SCN11A: variants seen among roughly 807,000 people sequenced by gnomAD.
SCN11A encodes sodium voltage-gated channel alpha subunit 11.
A neutral mutation model predicts 162.2 loss-of-function variants in SCN11A; 122 were observed. The ratio of observed to expected loss-of-function variants is 0.75; its 90% CI spans 0.65 to 0.87. The LOEUF (loss-of-function observed/expected upper bound fraction) is 0.87. SCN11A is among the 40% of genes least tolerant of loss of function. The pLI is 0.00. For missense variants in SCN11A, 2,015 were observed against 2,181.6 expected (o/e 0.92, Z 1.52); for synonymous variants, 758 against 751.5 (o/e 1.01, Z -0.14).
intron 2 of SCN11A, among the ~76,000 whole-genome samples, chr3:38,991,846 TC>T (rs1479340181): frequency 6.6e-6 from 1 of 152,194 alleles, no homozygotes; most frequent in Non-Finnish European, 1.5e-5. Context: ...TCTCACTCTA[TC>T]CCCCAGGCTG....
At chr3:38,928,430 T>TA (rs1405710001) in intron 7 of SCN11A, among the ~76,000 whole-genome samples, 1 of 152,094 alleles carries the variant, frequency 6.6e-6, no homozygotes, top group African/African-American at 2.4e-5. Flanking sequence ...ATGTGGGGCT[T>TA]AAAACCTAGA....
chr3:38,850,341 T>C, intron 29 of SCN11A, 140 bp downstream of exon 29: 1 of 717,780 alleles, frequency 1.4e-6, no homozygotes, highest in South Asian at 1.8e-5. Context: ...ATGGCATTAG[T>C]ACCCCTGTCT....
intron 28 of SCN11A, among the ~76,000 whole-genome samples, chr3:38,857,496 T>G (rs529514032): frequency 1.3e-5 from 2 of 151,576 alleles, no homozygotes; most frequent in Non-Finnish European, 2.9e-5. Flanking sequence ...TCCAAGAAAT[T>G]TGGGATTATG....
Position 38,908,141 on chromosome 3 carries a change from C to T in SCN11A, c.1300-19G>A. ...CCAGAGCCTTCAAATTGAACAAAAGCAATTAAAGAACAGATTACACCTCCT... is the reference window on the plus strand; with the variant it reads ...CCAGAGCCTTCAAATTGAACAAAAGTAATTAAAGAACAGATTACACCTCCT... On this transcript the variant is annotated intron_variant, in intron 13 of 29. Coordinates refer to ENST00000302328, the MANE Select transcript of SCN11A (RefSeq NM_001349253.2). The T allele has an allele frequency of 6.2e-7, 1 of 1,604,338 alleles. No homozygotes were observed. The highest frequency in any genetic ancestry group is 8.5e-7 in the Non-Finnish European group (1 of 1,177,568).
At chr3:38,911,360 C>T (rs924824769) in intron 11 of SCN11A, among the ~76,000 whole-genome samples, 23 of 152,152 alleles carry the variant, frequency 1.5e-4, no homozygotes, top group African/African-American at 5.1e-4. Flanking sequence ...AGTTATTATC[C>T]TGTGTTGCTA....
intron 2 of SCN11A, among the ~76,000 whole-genome samples, chr3:39,029,193 C>G: frequency 6.6e-6 from 1 of 152,144 alleles, no homozygotes; most frequent in South Asian, 2.1e-4. Flanking sequence ...CCAATTTACC[C>G]TCCCAATCTA....
At position 38,938,240 on chromosome 3, in the gene SCN11A, G is replaced by A. The variant is rs573825477; in HGVS notation, c.488+7171C>T. The stretch of plus-strand genomic sequence containing the variant: ...CTCTGGGGACTGTTGTGGGGTGGGC[G>A]GAGTGGGGAGGGATAGCTTTAGGAG... On this transcript the variant is annotated intron_variant, in intron 7 of 29. Transcript: ENST00000302328. Among the ~76,000 whole-genome samples the A allele has an allele frequency of 7.9e-5, 12 of 151,920 alleles. No homozygotes were observed. The South Asian group carries it at 2.1e-3, about 26-fold the overall frequency.
At position 38,897,638 on chromosome 3, in the gene SCN11A, C is replaced by T. The variant is rs1319202997; in HGVS notation, c.2023-413G>A. ...GGCTGAGGCAGGGGAATCGCTTGAA[C>T]CTGTGAGTCAGAGGTTGCAGTGAGC... is the stretch of plus-strand genomic sequence containing the variant. On this transcript the variant is annotated intron_variant, in intron 17 of 29. Coordinates refer to ENST00000302328, the MANE Select transcript of SCN11A (RefSeq NM_001349253.2). Among the ~76,000 whole-genome samples the T allele has an allele frequency of 2.0e-5, 3 of 151,030 alleles. No individual in the cohort carries two copies. The East Asian group carries it at 5.9e-4, about 30-fold the overall frequency.
rs756278178 is a variant in SCN11A at position 38,867,330 on chromosome 3, C to G, written c.3942G>C (p.Gln1314His). The G allele has an allele frequency of 6.2e-7, 1 of 1,611,730 alleles. No homozygotes were observed. The highest frequency in any genetic ancestry group is 1.3e-5 in the African/African-American group (1 of 74,756). The change falls in exon 27 of 30, where the codon CAG becomes CAC. Residue 1314 changes from glutamine to histidine, a missense_variant. Transcript: ENST00000302328. ...CAACCCAGATACTTATCTTTTTCTGCTGTTGGTTGAAGTTGTCAATGATAA... is the reference window on the plus strand; with the variant it reads ...CAACCCAGATACTTATCTTTTTCTGGTGTTGGTTGAAGTTGTCAATGATAA... ...IGVIIDNFNQ[Q>H]QKKLGGQDIF...
At chr3:38,993,286 A>G (rs2030510161) in intron 2 of SCN11A, among the ~76,000 whole-genome samples, 1 of 152,068 alleles carries the variant, frequency 6.6e-6, no homozygotes, top group African/African-American at 2.4e-5. Context: ...TTCATTGGAG[A>G]ATCCAGGATG....
At chr3:38,937,598 T>G (rs531256388) in intron 7 of SCN11A, among the ~76,000 whole-genome samples, 1 of 151,186 alleles carries the variant, frequency 6.6e-6, no homozygotes, top group African/African-American at 2.4e-5. Context: ...AAGACATTTA[T>G]GCAGCCAAAA....
chr3:38,933,038 T>C (rs568956416), intron 7 of SCN11A, among the ~76,000 whole-genome samples: 69 of 152,214 alleles, frequency 4.5e-4, no homozygotes, highest in African/African-American at 1.7e-3. Context: ...TCCAGAGAAA[T>C]GATCAGACAG....
chr3:38,885,009 G>A (rs1451764390), intron 21 of SCN11A, among the ~76,000 whole-genome samples: 1 of 152,156 alleles, frequency 6.6e-6, no homozygotes, highest in Admixed American at 6.5e-5. Context: ...ATAGAAAGTG[G>A]CAGACATATT....
At chr3:38,909,677 G>A (rs1005559389) in intron 12 of SCN11A, among the ~76,000 whole-genome samples, 14 of 150,522 alleles carry the variant, frequency 9.3e-5, no homozygotes, top group African/African-American at 3.4e-4. Flanking sequence ...CCGCCTCCTA[G>A]GTTCAAGTGA....
chr3:38,928,874 T>A (rs1437022441), intron 7 of SCN11A, among the ~76,000 whole-genome samples: 1 of 152,178 alleles, frequency 6.6e-6, no homozygotes, highest in East Asian at 1.9e-4. Flanking sequence ...GAAAACAGTA[T>A]GAAGACTCCT....
At chr3:38,885,064 G>A (rs999743150) in intron 21 of SCN11A, among the ~76,000 whole-genome samples, 1 of 152,166 alleles carries the variant, frequency 6.6e-6, no homozygotes, top group Non-Finnish European at 1.5e-5. Flanking sequence ...TGTTTACCTG[G>A]CATTTTGGGC....
At chr3:38,910,864 C>T (rs910836386) in intron 11 of SCN11A, among the ~76,000 whole-genome samples, 1 of 152,056 alleles carries the variant, frequency 6.6e-6, no homozygotes, top group African/African-American at 2.4e-5. Context: ...TACCAAAACA[C>T]AAATTATTGA....
intron 9 of SCN11A, 122 bp downstream of exon 9, chr3:38,925,293 A>G (rs188681534): frequency 6.3e-5 from 43 of 681,886 alleles, no homozygotes; most frequent in South Asian, 1.4e-4. Context: ...TGGACCATCA[A>G]ATAAATTTGT....
In SCN11A at chr3:38,921,226, G is replaced by C; in HGVS notation, c.742C>G (p.Arg248Gly). The change falls in exon 10 of 30, where the codon CGC (arginine) becomes GGC (glycine). Residue 248 changes from arginine to glycine, a missense_variant. Transcript: ENST00000302328. ...ACGTTGACCAGCTTCTTCACAGAGC[G>C]TAGCAAGGCCCCCACGATGACCTTC... ...RLKVIVGALL[R>G]SVKKLVNVII... The C allele has an allele frequency of 6.2e-7, 1 of 1,614,030 alleles. No individual in the cohort carries two copies. Among genetic ancestry groups the C allele is most frequent in the South Asian group, 1.1e-5 (1 of 91,078 alleles).
Sources: gnomAD v4.1 joint callset for allele counts (sites outside exome capture counted in the v4.1 genomes callset) on GRCh38, gnomAD v4.1.1 for gene constraint, MANE v1.5 for transcripts, NCBI Gene and HGNC (gene_info 2026-07-23, HGNC 2026-07-21) for gene names.